Variants in MAP2K5 observed in about 807,000 individuals in gnomAD.
The protein encoded by MAP2K5 is mitogen-activated protein kinase kinase 5, also known as dual specificity mitogen-activated protein kinase kinase 5.
MAP2K5 carries 49 observed loss-of-function variants against 83.1 expected under a neutral mutation model. The ratio of observed to expected loss-of-function variants is 0.59; its 90% CI spans 0.47 to 0.75. The LOEUF is 0.75. MAP2K5 is among the 30% of genes least tolerant of loss of function. MAP2K5 has a pLI of 0.00. For missense variants in MAP2K5, 457 were observed against 557.5 expected (o/e 0.82, Z 1.82); for synonymous variants, 202 against 191.8 (o/e 1.05, Z -0.44).
intron 11 of MAP2K5, among the ~76,000 whole-genome samples, chr15:67,654,393 C>T (rs1346869904): frequency 6.6e-6 from 1 of 152,076 alleles, no homozygotes; most frequent in African/African-American, 2.4e-5. Context: ...TATCTTTTTT[C>T]ACCATTTTTC....
intron 9 of MAP2K5, among the ~76,000 whole-genome samples, chr15:67,633,481 A>T (rs1596689203): frequency 6.6e-6 from 1 of 152,238 alleles, no homozygotes; most frequent in Admixed American, 6.5e-5. Context: ...AGTATTGTGC[A>T]TTAGTTGGGT....
chr15:67,787,204 G>A lies in MAP2K5; in HGVS notation c.1242+14452G>A, dbSNP rs551653050. ...CAGACCCTCTGGCTGAAGCTGATTC[G>A]TGCATAGGAATGTCCTAACCCTTTG... is the stretch of plus-strand genomic sequence containing the variant. On this transcript the variant is annotated intron_variant, in intron 21 of 21. Coordinates refer to ENST00000178640, the MANE Select transcript of MAP2K5 (RefSeq NM_145160.3). Among the ~76,000 whole-genome samples the A allele has an allele frequency of 9.2e-5, 14 of 152,344 alleles. No homozygotes were observed. The East Asian group carries it at 1.3e-3, about 15-fold the overall frequency.
chr15:67,663,308 C>A (rs1367241850), intron 12 of MAP2K5, among the ~76,000 whole-genome samples: 1 of 152,176 alleles, frequency 6.6e-6, no homozygotes, highest in East Asian at 1.9e-4. Context: ...TCTGGTCCTA[C>A]TCCAGTCTAG....
At position 67,778,789 on chromosome 15, in the gene MAP2K5, A is replaced by G. The variant is rs183215698; in HGVS notation, c.1242+6037A>G. ...CAAAGATAAGTTTCGGTTTACTTTGATCCGGGGCTTACCTGTGCCCTGAGC... is the reference window on the plus strand; with the variant it reads ...CAAAGATAAGTTTCGGTTTACTTTGGTCCGGGGCTTACCTGTGCCCTGAGC... On this transcript the variant is annotated intron_variant, in intron 21 of 21. Coordinates refer to ENST00000178640, the MANE Select transcript of MAP2K5 (RefSeq NM_145160.3). The surrounding 1 kb of genome is among the most constrained non-coding windows in gnomAD (Gnocchi z 5.0). Among the ~76,000 whole-genome samples the G allele has an allele frequency of 1.6e-4, 25 of 152,186 alleles. No homozygotes were observed. The highest frequency in any genetic ancestry group is 6.0e-4 in the African/African-American group (25 of 41,434).
At chr15:67,585,662 T>G (rs1596600505) in intron 4 of MAP2K5, 1 of 499,034 alleles carries the variant, frequency 2.0e-6, no homozygotes, top group East Asian at 3.2e-5. Flanking sequence ...AAGCAGAAAT[T>G]GGAATTTATA....
intron 15 of MAP2K5, among the ~76,000 whole-genome samples, chr15:67,696,017 T>C (rs2141206693): frequency 6.6e-6 from 1 of 151,580 alleles, no homozygotes; most frequent in East Asian, 1.9e-4. Context: ...CTCACCTACA[T>C]GGTGTAAGGT....
At chr15:67,787,893 G>C (rs2090446509) in intron 21 of MAP2K5, among the ~76,000 whole-genome samples, 1 of 152,196 alleles carries the variant, frequency 6.6e-6, no homozygotes. Flanking sequence ...TGTGCTGGCA[G>C]ACCCTAGGAC....
At chr15:67,751,297 C>A (rs2089712996) in intron 19 of MAP2K5, among the ~76,000 whole-genome samples, 1 of 152,192 alleles carries the variant, frequency 6.6e-6, no homozygotes, top group Admixed American at 6.5e-5. Flanking sequence ...AATCAGAAAT[C>A]TTGGTGGTCC....
At chr15:67,694,489 G>A (rs540131203) in intron 15 of MAP2K5, among the ~76,000 whole-genome samples, 12 of 151,936 alleles carry the variant, frequency 7.9e-5, no homozygotes, top group African/African-American at 2.7e-4. Flanking sequence ...ATTTAGGGAT[G>A]GAAAAAACAC....
intron 13 of MAP2K5, among the ~76,000 whole-genome samples, chr15:67,687,677 A>G (rs954056382): frequency 6.6e-6 from 1 of 152,194 alleles, no homozygotes; most frequent in African/African-American, 2.4e-5. Context: ...ACTGTAGTCC[A>G]TTAAATGGGA....
rs181086257 is a variant in MAP2K5, at chr15:67,559,297, C to G, written c.185-3986C>G. On this transcript the variant is annotated intron_variant, in intron 2 of 21. Coordinates refer to ENST00000178640, the MANE Select transcript of MAP2K5 (RefSeq NM_145160.3). This position sits in a 1 kb window ranked among gnomAD's most constrained non-coding sequence, Gnocchi z 4.7. ...GAAGCTAGATTGTTTCTCTTGAAAGCCTTCTTGAGCCCCTGTCACTGCAGT... is the reference window on the plus strand; with the variant it reads ...GAAGCTAGATTGTTTCTCTTGAAAGGCTTCTTGAGCCCCTGTCACTGCAGT... 6.6e-6 allele frequency among the ~76,000 whole-genome samples: 1 copy of G among 152,112 alleles called. No individual in the cohort carries two copies. The highest frequency in any genetic ancestry group is 2.4e-5 in the African/African-American group (1 of 41,420).
intron 3 of MAP2K5, among the ~76,000 whole-genome samples, chr15:67,566,373 T>A (rs930332453): frequency 6.6e-6 from 1 of 151,974 alleles, no homozygotes; most frequent in Admixed American, 6.6e-5. Context: ...ATGGGATTTC[T>A]CGATATTGGC....
chr15:67,712,350 A>G (rs1278455487), intron 16 of MAP2K5, among the ~76,000 whole-genome samples: 4 of 152,216 alleles, frequency 2.6e-5, no homozygotes. Flanking sequence ...TACAAGCCCC[A>G]TCCATGAGCA....
rs1176413815 is a variant in MAP2K5, at chr15:67,785,054, C to T, written c.1242+12302C>T. On this transcript the variant is annotated intron_variant, in intron 21 of 21. Coordinates refer to ENST00000178640, the MANE Select transcript of MAP2K5 (RefSeq NM_145160.3). This position sits in a 1 kb window ranked among gnomAD's most constrained non-coding sequence, Gnocchi z 4.4. ...TCCCAGGCTCAGGTGATCCTCCTAC[C>T]TCAGCACCCGCCCTTCCTTGAGTAG... 1.3e-5 allele frequency among the ~76,000 whole-genome samples: 2 copies of T among 152,186 alleles called. No homozygotes were observed. The highest frequency in any genetic ancestry group is 2.9e-5 in the Non-Finnish European group (2 of 68,034).
chr15:67,681,445 C>G (rs2087814553), intron 13 of MAP2K5, among the ~76,000 whole-genome samples: 1 of 152,216 alleles, frequency 6.6e-6, no homozygotes, highest in Non-Finnish European at 1.5e-5. Context: ...GGGCATCACT[C>G]TGCTTCCTTT....
chr15:67,648,254 G>A lies in MAP2K5; in HGVS notation c.736+1785G>A, dbSNP rs1283182948. On this transcript the variant is annotated intron_variant, in intron 11 of 21. Coordinates refer to ENST00000178640, the MANE Select transcript of MAP2K5 (RefSeq NM_145160.3). ...TACTTTCTCTTTCCTCAAGTCCTTG[G>A]CAACCACTGATTTATCTTCTGTCTC... Among the ~76,000 whole-genome samples, 4 of 151,862 alleles carry A rather than the reference G, an allele frequency of 2.6e-5. No homozygotes were observed. In the East Asian group the frequency reaches 7.7e-4, roughly 29 times the overall value.
rs145927000 is a variant in MAP2K5 at position 67,587,158 on chromosome 15, G to T, written c.431+245G>T. ...CAGAGAAGGGCGTTTCAGACGGAGG[G>T]AAGAGGGTAGGTGAAGGCCCTGAGG... On this transcript the variant is annotated intron_variant, in intron 6 of 21. Transcript: ENST00000178640. This position sits in a 1 kb window ranked among gnomAD's most constrained non-coding sequence, Gnocchi z 4.8. Among the ~76,000 whole-genome samples, 1 of 152,306 alleles carries T rather than the reference G, an allele frequency of 6.6e-6. No individual in the cohort carries two copies. Among genetic ancestry groups the T allele is most frequent in the African/African-American group, 2.4e-5 (1 of 41,578 alleles).
intron 7 of MAP2K5, among the ~76,000 whole-genome samples, chr15:67,597,952 C>T (rs1408727645): frequency 1.3e-5 from 2 of 152,106 alleles, no homozygotes; most frequent in Non-Finnish European, 2.9e-5. Flanking sequence ...GCTTGTAATC[C>T]TAGCACTTTT....
chr15:67,742,080 G>A lies in MAP2K5; in HGVS notation c.1075-6151G>A, dbSNP rs1441855226. ...CGGCTAATTTTTTGTATCTTTAGTA[G>A]AGATGGGGTTTTACCATGTTAGCCA... On this transcript the variant is annotated intron_variant, in intron 17 of 21. Coordinates refer to ENST00000178640, the MANE Select transcript of MAP2K5 (RefSeq NM_145160.3). 1.2e-4 allele frequency among the ~76,000 whole-genome samples: 19 copies of A among 152,102 alleles called. 1 individual carries two copies. Among genetic ancestry groups the A allele is most frequent in the Non-Finnish European group, 2.9e-5 (2 of 68,022 alleles).
Sources: allele counts gnomAD v4.1 joint callset (sites outside exome capture counted in the v4.1 genomes callset), GRCh38; gene constraint gnomAD v4.1.1; non-coding constraint Gnocchi (gnomAD v3.1); transcripts MANE v1.5; gene names NCBI Gene and HGNC (gene_info 2026-07-23, HGNC 2026-07-21).